Variants in NEDD4 observed in about 807,000 individuals in gnomAD.
The protein encoded by NEDD4 is NEDD4 E3 ubiquitin protein ligase.
NEDD4 carries 99 observed loss-of-function variants against 144.9 expected under a neutral mutation model. That is an observed-to-expected ratio of 0.68 (90% CI 0.58 to 0.81). NEDD4 has a LOEUF of 0.81. Among genes scored for constraint, NEDD4 ranks in the 30% least tolerant of loss-of-function variants. The pLI, the probability that NEDD4 is intolerant of heterozygous loss-of-function variation, is 0.00. For missense variants in NEDD4, 985 were observed against 1,065.9 expected (o/e 0.92, Z 1.06); for synonymous variants, 318 against 350.6 (o/e 0.91, Z 1.04).
intron 2 of NEDD4, among the ~76,000 whole-genome samples, chr15:55,963,752 G>A (rs2037464254): frequency 6.6e-6 from 1 of 152,180 alleles, no homozygotes; most frequent in Non-Finnish European, 1.5e-5. Flanking sequence ...AAGGACCTGA[G>A]TGTCTATCTG....
intron 4 of NEDD4, among the ~76,000 whole-genome samples, chr15:55,947,314 G>T (rs1327095534): frequency 2.7e-5 from 4 of 150,786 alleles, no homozygotes; most frequent in Non-Finnish European, 6.0e-5. Context: ...AATAAAAAAT[G>T]ATAAAGGGGA....
In NEDD4 at chr15:55,840,703, A is replaced by T; in HGVS notation, c.1863T>A (p.Asn621Lys). The stretch of plus-strand genomic sequence containing the variant: ...CTTCGTTACACAATCCAGAGTTTGG[A>T]TTTATCTGTAGGGTATAATTGTCCC... ...SATDNYTLQI[N>K]PNSGLCNEDH... Residue 621 changes from asparagine to lysine, a missense_variant, in exon 20 of 29, where the codon AAT (asparagine) becomes AAA (lysine). By Grantham distance (94) the Asn-to-Lys change is moderately conservative. Transcript: ENST00000435532. 1 of 1,613,994 alleles carries T rather than the reference A, an allele frequency of 6.2e-7. No individual in the cohort carries two copies.
chr15:55,905,543 A>G (rs1451417037), intron 5 of NEDD4, among the ~76,000 whole-genome samples: 1 of 152,256 alleles, frequency 6.6e-6, no homozygotes. Context: ...CAGAGACAAC[A>G]TAGGACCTGA....
intron 5 of NEDD4, among the ~76,000 whole-genome samples, chr15:55,893,210 G>T (rs4774229): frequency 6.6e-6 from 1 of 151,868 alleles, no homozygotes; most frequent in Non-Finnish European, 1.5e-5. Context: ...ATTTGTATTA[G>T]TATCTTAATC....
At chr15:55,842,306 T>G (rs2033551219) in intron 18 of NEDD4, 143 bp from the exon 19 acceptor site, 4 of 669,758 alleles carry the variant, frequency 6.0e-6, no homozygotes, top group Non-Finnish European at 1.0e-5. Context: ...AAAACACAAC[T>G]AGGTATATTG....
intron 11 of NEDD4, 54 bp downstream of exon 11, chr15:55,860,353 T>C: frequency 1.3e-6 from 2 of 1,552,538 alleles, no homozygotes; most frequent in Admixed American, 3.6e-5. Flanking sequence ...TTGAATAGTA[T>C]AATATGCATA....
At chr15:55,982,716 CTT>C (rs758401367) in intron 1 of NEDD4, among the ~76,000 whole-genome samples, 1 of 152,174 alleles carries the variant, frequency 6.6e-6, no homozygotes. Context: ...GCATTTCACT[CTT>C]TGTAAATTTC....
chr15:55,972,469 C>T (rs566169434), intron 1 of NEDD4, among the ~76,000 whole-genome samples: 3 of 152,172 alleles, frequency 2.0e-5, no homozygotes, highest in East Asian at 1.9e-4. Context: ...TAAAATAATG[C>T]ATTGTAAGAT....
chr15:55,949,088 G>A (rs2037180688), intron 4 of NEDD4, among the ~76,000 whole-genome samples: 1 of 152,010 alleles, frequency 6.6e-6, no homozygotes, highest in South Asian at 2.1e-4. Context: ...AATCTACAAA[G>A]AACACAAACA....
At chr15:55,987,037 G>A (rs1379816253) in intron 1 of NEDD4, among the ~76,000 whole-genome samples, 2 of 144,968 alleles carry the variant, frequency 1.4e-5, no homozygotes, top group Non-Finnish European at 3.0e-5. Context: ...GATCCCTGAG[G>A]AATCGCCACA....
chr15:55,845,096 T>C (rs1269908663), intron 18 of NEDD4, among the ~76,000 whole-genome samples: 1 of 152,240 alleles, frequency 6.6e-6, no homozygotes, highest in Non-Finnish European at 1.5e-5. Flanking sequence ...GCCTTTTTAC[T>C]AATGTGAGAA....
intron 18 of NEDD4, among the ~76,000 whole-genome samples, chr15:55,846,511 T>C (rs914344705): frequency 1.8e-4 from 27 of 152,192 alleles, no homozygotes; most frequent in African/African-American, 6.5e-4. Flanking sequence ...CCACTCATGA[T>C]TGTATTTTTA....
intron 1 of NEDD4, among the ~76,000 whole-genome samples, chr15:55,989,689 CCTTT>C (rs1255878458): frequency 6.6e-6 from 1 of 152,184 alleles, no homozygotes; most frequent in African/African-American, 2.4e-5. Context: ...CTTCAGTCAG[CCTTT>C]CTTATAGGAA....
At chr15:55,836,794 C>T (rs2033222750) in intron 24 of NEDD4, among the ~76,000 whole-genome samples, 1 of 152,122 alleles carries the variant, frequency 6.6e-6, no homozygotes, top group Non-Finnish European at 1.5e-5. Flanking sequence ...TCCCAAAGTG[C>T]TGGGATCACA....
Position 55,848,552 on chromosome 15 carries a change from G to A in NEDD4, c.1452C>T (p.His484=). The A allele has an allele frequency of 6.2e-7, 1 of 1,613,412 alleles. No individual in the cohort carries two copies. The highest frequency in any genetic ancestry group is 8.5e-7 in the Non-Finnish European group (1 of 1,179,640). ...PLPPGWEERT[H]TDGRIFYINH... ...TTATGTAGAAGATTCTTCCATCTGT[G>A]TGAGTTCTCTCTTCCCATCCTGGCT... The change falls in exon 16 of 29, where the codon CAC becomes CAT. Residue 484 remains histidine, a synonymous_variant. Coordinates refer to ENST00000435532, the MANE Select transcript of NEDD4 (RefSeq NM_006154.4).
At chr15:55,949,041 T>C (rs2037179565) in intron 4 of NEDD4, among the ~76,000 whole-genome samples, 1 of 152,108 alleles carries the variant, frequency 6.6e-6, no homozygotes, top group South Asian at 2.1e-4. Context: ...GAGAAAATTT[T>C]TGCAATCTAC....
intron 5 of NEDD4, among the ~76,000 whole-genome samples, chr15:55,877,795 T>C (rs1245089378): frequency 2.0e-5 from 3 of 152,318 alleles, no homozygotes; most frequent in East Asian, 3.9e-4. Context: ...CATAGACTCA[T>C]TGATATTTGT....
chr15:55,852,643 A>C, intron 12 of NEDD4, 100 bp from the exon 13 acceptor site: 1 of 911,794 alleles, frequency 1.1e-6, no homozygotes, highest in Admixed American at 2.4e-5. Flanking sequence ...TCTCAGCCCC[A>C]AGCAACCACT....
intron 5 of NEDD4, among the ~76,000 whole-genome samples, chr15:55,883,684 C>G (rs1448469889): frequency 9.8e-6 from 1 of 102,514 alleles, no homozygotes; most frequent in East Asian, 3.1e-4. Context: ...TCTCAACACA[C>G]ACACACACAC....
Sources: gnomAD v4.1 joint callset for allele counts (sites outside exome capture counted in the v4.1 genomes callset) on GRCh38, gnomAD v4.1.1 for gene constraint, MANE v1.5 for transcripts, NCBI Gene and HGNC (gene_info 2026-07-23, HGNC 2026-07-21) for gene names.